TEX11: variants seen among roughly 807,000 people sequenced by gnomAD.
TEX11 encodes the protein testis-expressed protein 11.
In TEX11, 7 loss-of-function variants were observed where a neutral mutation model predicts 84.4. The ratio of observed to expected loss-of-function variants is 0.08; its 90% confidence interval spans 0.05 to 0.16. TEX11 has a LOEUF of 0.16. TEX11 is among the 10% of genes least tolerant of loss of function. The probability of loss-of-function intolerance (pLI) is 1.00; values close to 1 mark genes in which losing one functional copy is unlikely to be tolerated. For synonymous variants in TEX11, 264 were observed against 222.8 expected, an observed-to-expected ratio of 1.18 and a Z score of -1.64; for missense variants, 551 against 660.5, an observed-to-expected ratio of 0.83 and a Z score of 1.82.
intron 2 of TEX11, among the ~76,000 whole-genome samples, chrX:70,890,767 C>G (rs777721764): frequency 6.2e-5 from 7 of 112,565 alleles, no homozygotes; most frequent in Non-Finnish European, 1.3e-4. Flanking sequence ...GACTCCACCT[C>G]TGGGGGCAGG....
intron 28 of TEX11, among the ~76,000 whole-genome samples, chrX:70,544,845 A>AAC (rs1196837786): frequency 1.5e-4 from 16 of 103,419 alleles, no homozygotes; most frequent in South Asian, 1.3e-3. Flanking sequence ...TCAAAAAAAA[A>AAC]AAAAAAAAAA....
chrX:70,579,388 G>A (rs1240086354), intron 25 of TEX11, among the ~76,000 whole-genome samples: 1 of 107,333 alleles, frequency 9.3e-6, no homozygotes, highest in Non-Finnish European at 1.9e-5. Flanking sequence ...CCAGCTACTC[G>A]GGAGGCTGAG....
At chrX:70,640,500 T>C (rs2089640621) in intron 17 of TEX11, among the ~76,000 whole-genome samples, 1 of 109,830 alleles carries the variant, frequency 9.1e-6, no homozygotes, top group Non-Finnish European at 1.9e-5. Flanking sequence ...AAGGAAAAAA[T>C]GTTAAGTGCA....
intron 9 of TEX11, among the ~76,000 whole-genome samples, chrX:70,778,852 A>T (rs2091018616): frequency 9.0e-6 from 1 of 111,147 alleles, no homozygotes; most frequent in Non-Finnish European, 1.9e-5. Flanking sequence ...TGGAAAAATC[A>T]CAAATACATG....
intron 12 of TEX11, among the ~76,000 whole-genome samples, chrX:70,723,192 C>T (rs1313907067): frequency 4.5e-5 from 5 of 111,414 alleles, no homozygotes; most frequent in Non-Finnish European, 9.4e-5. Context: ...ATGGCAGCTG[C>T]TATTATTATT....
chrX:70,624,489 A>G (rs1026354650), intron 19 of TEX11, among the ~76,000 whole-genome samples: 2 of 111,522 alleles, frequency 1.8e-5, no homozygotes, highest in Non-Finnish European at 3.8e-5. Flanking sequence ...AAAAAATACT[A>G]TCTCTCCTGA....
chrX:70,606,507 A>G (rs1199003200), intron 23 of TEX11, among the ~76,000 whole-genome samples: 3 of 112,191 alleles, frequency 2.7e-5, no homozygotes, highest in African/African-American at 6.5e-5. Context: ...GGAAAGTTAT[A>G]AAGGAGGCCT....
chrX:70,710,947 C>A (rs1288383751), intron 13 of TEX11, among the ~76,000 whole-genome samples: 6 of 108,727 alleles, frequency 5.5e-5, no homozygotes, highest in Admixed American at 2.0e-4. Flanking sequence ...ACTCCCCCCA[C>A]CCCACAACAG....
At position 70,584,478 on chromosome X, in the gene TEX11, G is replaced by A. The variant is rs762929255; in HGVS notation, c.2140+7273C>T. Among the ~76,000 whole-genome samples, 7 of 111,688 alleles carry A rather than the reference G, an allele frequency of 6.3e-5. No individual in the cohort carries two copies. The East Asian group carries it at 2.0e-3, about 32-fold the overall frequency. On this transcript the variant is annotated intron_variant, in intron 25 of 29. Transcript: ENST00000374333. ...TGAATTCTTCCAAACATTTAAAGAA[G>A]AATAAACAGCAGTTCTCTCAAACTC...
chrX:70,728,005 A>T (rs2147726695), intron 11 of TEX11, among the ~76,000 whole-genome samples: 1 of 113,007 alleles, frequency 8.8e-6, no homozygotes, highest in Admixed American at 9.3e-5. Context: ...TCACTTAAAC[A>T]GAATCATAAT....
At chrX:70,725,198 C>T (rs1390701186) in intron 12 of TEX11, 64 bp downstream of exon 12, 4 of 786,245 alleles carry the variant, frequency 5.1e-6, no homozygotes, top group Non-Finnish European at 5.5e-6. Context: ...TACAAAAGAT[C>T]TTATATTTAA....
the TEX11 span, among the ~76,000 whole-genome samples, chrX:70,514,807 C>T: frequency 0.084 from 9,235 of 110,351 alleles, 710 homozygotes; most frequent in African/African-American, 0.24. Context: ...GTGGCTCACA[C>T]CTGTAATCCC....
chrX:70,777,156 C>T (rs2091007394), intron 9 of TEX11, among the ~76,000 whole-genome samples: 1 of 107,854 alleles, frequency 9.3e-6, no homozygotes, highest in South Asian at 4.1e-4. Flanking sequence ...GGGATTACAG[C>T]CAGGAGCCAC....
At chrX:70,672,080 G>C (rs1438487473) in intron 15 of TEX11, among the ~76,000 whole-genome samples, 1 of 108,135 alleles carries the variant, frequency 9.2e-6, no homozygotes, top group African/African-American at 3.4e-5. Context: ...TTATTTTATA[G>C]GCTTTTATAC....
intron 12 of TEX11, among the ~76,000 whole-genome samples, 159 bp from the exon 13 acceptor site, chrX:70,722,855 A>G: frequency 8.9e-6 from 1 of 112,242 alleles, no homozygotes. Flanking sequence ...AAGTATTAAC[A>G]TCCAGTGCTG....
chrX:70,537,320 G>A (rs911237127), intron 28 of TEX11, among the ~76,000 whole-genome samples: 2 of 111,437 alleles, frequency 1.8e-5, no homozygotes, highest in Non-Finnish European at 3.8e-5. Flanking sequence ...TTTCTGAGCA[G>A]CAATGAGAAC....
intron 13 of TEX11, among the ~76,000 whole-genome samples, chrX:70,719,962 C>A: frequency 9.0e-6 from 1 of 111,632 alleles, no homozygotes; most frequent in Middle Eastern, 4.6e-3. Flanking sequence ...GACAGTGTGG[C>A]AATTCCTCAA....
chrX:70,613,117 G>C (rs191770231), intron 20 of TEX11, among the ~76,000 whole-genome samples: 31 of 111,762 alleles, frequency 2.8e-4, no homozygotes, highest in Non-Finnish European at 3.8e-4. Flanking sequence ...AAGACTCTCA[G>C]ACACAGGGGT....
At chrX:70,512,867 T>C in the TEX11 span, among the ~76,000 whole-genome samples, 1 of 108,726 alleles carries the variant, frequency 9.2e-6, no homozygotes, top group Non-Finnish European at 1.9e-5. Context: ...GTCAAACAAA[T>C]GCTGCCCATC....
Sources: allele counts gnomAD v4.1 joint callset (sites outside exome capture counted in the v4.1 genomes callset), GRCh38; gene constraint gnomAD v4.1.1; transcripts MANE v1.5; gene names NCBI Gene and HGNC (gene_info 2026-07-23, HGNC 2026-07-21).